KCNH6: variants seen among roughly 807,000 people sequenced by gnomAD.
The protein encoded by KCNH6 is voltage-gated inwardly rectifying potassium channel KCNH6.
A neutral mutation model predicts 83.4 loss-of-function variants in KCNH6; 81 were observed. The ratio of observed to expected loss-of-function variants is 0.97; its 90% confidence interval spans 0.81 to 1.17. The LOEUF is 1.17. Ranked by LOEUF, KCNH6 falls within the 50% of genes most tolerant of loss-of-function variation. The pLI, the probability that KCNH6 is intolerant of heterozygous loss-of-function variation, is 0.00. For synonymous variants in KCNH6, 503 were observed against 545.6 expected (o/e 0.92, Z 1.09); for missense variants, 1,203 against 1,290.5 (o/e 0.93, Z 1.04).
rs747574533 is a variant in KCNH6 at position 63,545,671 on chromosome 17, G to A, written c.2646G>A (p.Met882Ile). The A allele has an allele frequency of 3.7e-6, 6 of 1,613,856 alleles. No individual in the cohort carries two copies. The East Asian group carries it at 1.3e-4, about 36-fold the overall frequency. ...AGCACAGGAACTCCTCCCCCAGGAT[G>A]CCTCACCTGGCTGTGGCAACGGACA... The part of the protein sequence containing the change: ...SPKHRNSSPR[M>I]PHLAVATDKT... Residue 882 changes from methionine to isoleucine, a missense_variant, in exon 13 of 13, where the codon ATG becomes ATA. Transcript: ENST00000314672.
In KCNH6 at chr17:63,530,372, G is replaced by A. The variant is rs942126161; in HGVS notation, c.505G>A (p.Gly169Ser). The A allele has an allele frequency of 3.7e-6, 6 of 1,614,048 alleles. No individual in the cohort carries two copies. Among genetic ancestry groups the A allele is most frequent in the Non-Finnish European group, 5.1e-6 (6 of 1,180,010 alleles). Residue 169 changes from glycine to serine, a missense_variant, in exon 4 of 13, where the codon GGC becomes AGC. Physicochemically the swap from Gly to Ser is moderately conservative, Grantham distance 56. Transcript: ENST00000314672. ...TGGCAGGCCAGGCGGACCAGGGCCAGGCACAGGCAGGGGCAAGTACAGGAC... is the reference window on the plus strand; with the variant it reads ...TGGCAGGCCAGGCGGACCAGGGCCAAGCACAGGCAGGGGCAAGTACAGGAC... ...SHGRPGGPGP[G>S]TGRGKYRTIS...
At chr17:63,544,695 A>G (rs1292953644) in intron 11 of KCNH6, among the ~76,000 whole-genome samples, 2 of 152,142 alleles carry the variant, frequency 1.3e-5, no homozygotes, top group Non-Finnish European at 2.9e-5. Context: ...CTATGGTGGC[A>G]GAGCGAGGGC....
chr17:63,532,457 G>A (rs763676080), intron 4 of KCNH6, among the ~76,000 whole-genome samples: 1 of 152,222 alleles, frequency 6.6e-6, no homozygotes, highest in Admixed American at 6.5e-5. Context: ...CCATGGCTCA[G>A]TGGAGCACCA....
Position 63,535,906 on chromosome 17 carries a change from C to T in KCNH6, c.1339C>T (p.Arg447Cys), listed in dbSNP as rs147066980. The part of the protein sequence containing the change: ...LDSLGVQLGK[R>C]YNGSDPASGP... ...CAGCCTGGGTGTGCAGCTTGGCAAG[C>T]GCTACAACGGCAGCGACCCAGCCTC... Residue 447 changes from arginine (R) to cysteine (C), a missense_variant, in exon 6 of 13, where the codon CGC becomes TGC. Physicochemically the swap from Arg to Cys is radical, Grantham distance 180. Transcript: ENST00000314672. The surrounding 1 kb of genome is among the most constrained non-coding windows in gnomAD (Gnocchi z 4.9). 2.4e-5 allele frequency: 39 copies of T among 1,614,082 alleles called. No homozygotes were observed. Among genetic ancestry groups the T allele is most frequent in the African/African-American group, 5.3e-5 (4 of 75,068 alleles).
At position 63,534,622 on chromosome 17, in the gene KCNH6, C is replaced by T. The variant is rs1158984484; in HGVS notation, c.1101+311C>T. Among the ~76,000 whole-genome samples, 1 of 152,062 alleles carries T rather than the reference C, an allele frequency of 6.6e-6. No homozygotes were observed. The highest frequency in any genetic ancestry group is 1.5e-5 in the Non-Finnish European group (1 of 67,978). ...GCCCCTCATGCTGACTTCCAAACTG[C>T]ACTCACCCTGGAGGAAGAAAGGGAT... On this transcript the variant is annotated intron_variant, in intron 5 of 12. Transcript: ENST00000314672. The surrounding 1 kb of genome is among the most constrained non-coding windows in gnomAD (Gnocchi z 5.0).
intron 9 of KCNH6, among the ~76,000 whole-genome samples, chr17:63,542,652 A>G (rs1378348558): frequency 1.3e-5 from 2 of 152,178 alleles, no homozygotes; most frequent in Non-Finnish European, 2.9e-5. Context: ...CTTTTACATG[A>G]TCTTCTTGCA....
intron 2 of KCNH6, among the ~76,000 whole-genome samples, chr17:63,528,814 C>G (rs1237614510): frequency 7.5e-6 from 1 of 132,674 alleles, no homozygotes; most frequent in Non-Finnish European, 1.6e-5. Flanking sequence ...GCCTGGGGCT[C>G]TTGGGTATGG....
In KCNH6 at chr17:63,534,773, C is replaced by T. The variant is rs1432301134; in HGVS notation, c.1101+462C>T. ...GCCTTTCTCATAGCTTCCAGTCCCA[C>T]GGTCTCCTCTTGCCCCCTCTCCTCA... On this transcript the variant is annotated intron_variant, in intron 5 of 12. Transcript: ENST00000314672. This position sits in a 1 kb window ranked among gnomAD's most constrained non-coding sequence, Gnocchi z 5.0. Among the ~76,000 whole-genome samples, 8 of 152,236 alleles carry T rather than the reference C, an allele frequency of 5.3e-5. No homozygotes were observed. The highest frequency in any genetic ancestry group is 6.8e-3 in the Middle Eastern group (2 of 294).
At position 63,542,449 on chromosome 17, in the gene KCNH6, G is replaced by T; in HGVS notation, c.2148+15G>T. ...ACCTGCGGGACGTGAGTCAGGGCCA[G>T]GTGGGCCAGGGTGGGTGGAAATGCC... On this transcript the variant is annotated intron_variant, in intron 9 of 12. Transcript: ENST00000314672. The T allele has an allele frequency of 6.2e-7, 1 of 1,609,540 alleles. No homozygotes were observed. Among genetic ancestry groups the T allele is most frequent in the Non-Finnish European group, 8.5e-7 (1 of 1,176,606 alleles).
chr17:63,530,436 A>C lies in KCNH6; in HGVS notation c.569A>C (p.Glu190Ala). The change falls in exon 4 of 13, where the codon GAG (glutamate) becomes GCG (alanine). Residue 190 changes from glutamate to alanine, a missense_variant. Transcript: ENST00000314672. Reference sequence around the variant, plus strand: ...CCACAGTTCACGCTCAACTTCGTGGAGTTCAACTTGGAGAAGCACCGCTCC... The same window carrying C: ...CCACAGTTCACGCTCAACTTCGTGGCGTTCAACTTGGAGAAGCACCGCTCC... ...QIPQFTLNFV[E>A]FNLEKHRSSS... 6.2e-7 allele frequency: 1 copy of C among 1,614,204 alleles called. No homozygotes were observed. The highest frequency in any genetic ancestry group is 1.1e-5 in the South Asian group (1 of 91,074).
chr17:63,536,196 T>C (rs1292680554), intron 6 of KCNH6, 128 bp downstream of exon 6: 10 of 848,978 alleles, frequency 1.2e-5, no homozygotes, highest in African/African-American at 1.7e-5. Flanking sequence ...TGATCCTAAG[T>C]GTGCAGCACA....
chr17:63,544,777 A>G (rs2033062024), intron 11 of KCNH6, among the ~76,000 whole-genome samples: 1 of 151,960 alleles, frequency 6.6e-6, no homozygotes, highest in Non-Finnish European at 1.5e-5. Context: ...CAAGTTACTA[A>G]ACAGCTCTGA....
rs370253123 is a variant in KCNH6 at position 63,541,188 on chromosome 17, C to T, written c.1955-1053C>T. Among the ~76,000 whole-genome samples the T allele has an allele frequency of 2.9e-4, 44 of 152,258 alleles. No homozygotes were observed. The East Asian group carries it at 8.5e-3, about 29-fold the overall frequency. On this transcript the variant is annotated intron_variant, in intron 8 of 12. Coordinates refer to ENST00000314672, the MANE Select transcript of KCNH6 (RefSeq NM_001278919.2). ...AGCACAGCACCTGGCACCAGGAGGG[C>T]CCAGTACCCTTGCCACATACCACAT...
rs926323297 is a variant in KCNH6, at chr17:63,523,757, C to A, written c.76+268C>A. 1.3e-5 allele frequency among the ~76,000 whole-genome samples: 2 copies of A among 152,096 alleles called. No homozygotes were observed. The highest frequency in any genetic ancestry group is 1.9e-4 in the East Asian group (1 of 5,184). On this transcript the variant is annotated intron_variant, in intron 1 of 12. Transcript: ENST00000314672. The surrounding 1 kb of genome is among the most constrained non-coding windows in gnomAD (Gnocchi z 4.2). ...GTTTCCTTGGTGCCCCAAGTTCGAACCTCCCCTTCCAGCCACTGCCTGCCC... is the reference window on the plus strand; with the variant it reads ...GTTTCCTTGGTGCCCCAAGTTCGAAACTCCCCTTCCAGCCACTGCCTGCCC...
chr17:63,544,527 G>T, intron 11 of KCNH6, 116 bp downstream of exon 11: 1 of 855,424 alleles, frequency 1.2e-6, no homozygotes, highest in South Asian at 2.4e-5. Context: ...TTAGCTGCAG[G>T]TCTCCCCATA....
intron 2 of KCNH6, among the ~76,000 whole-genome samples, chr17:63,528,073 C>T (rs2031834991): frequency 6.6e-6 from 1 of 152,234 alleles, no homozygotes; most frequent in Non-Finnish European, 1.5e-5. Context: ...CCCTGGAGGC[C>T]TTCTGCCCCT....
intron 4 of KCNH6, among the ~76,000 whole-genome samples, chr17:63,531,546 T>TA (rs1452334327): frequency 6.6e-6 from 1 of 152,240 alleles, no homozygotes; most frequent in Non-Finnish European, 1.5e-5. Flanking sequence ...TGTTTTCACC[T>TA]AAAGCACAGT....
Position 63,545,965 on chromosome 17 carries a change from G to A in KCNH6, c.*63G>A, listed in dbSNP as rs1788495241. 1 of 1,535,536 alleles carries A rather than the reference G, an allele frequency of 6.5e-7. No homozygotes were observed. The highest frequency in any genetic ancestry group is 8.9e-7 in the Non-Finnish European group (1 of 1,126,120). On this transcript the variant is annotated 3_prime_UTR_variant, in exon 13 of 13. Coordinates refer to ENST00000314672, the MANE Select transcript of KCNH6 (RefSeq NM_001278919.2). Reference sequence around the variant, plus strand: ...GGCAAGGTGAGAGTTAAGGATCTTGGGGAGGTGGCCGGGTGCAGTGGCTCG... The same window carrying A: ...GGCAAGGTGAGAGTTAAGGATCTTGAGGAGGTGGCCGGGTGCAGTGGCTCG...
chr17:63,534,367 A>G lies in KCNH6; in HGVS notation c.1101+56A>G, dbSNP rs2147673119. ...TGGCTGTCCTCTGCACGCTGGCCTC[A>G]AGCCCTCCCTGCTGCACAGCACTGG... On this transcript the variant is annotated intron_variant, in intron 5 of 12. Transcript: ENST00000314672. This position sits in a 1 kb window ranked among gnomAD's most constrained non-coding sequence, Gnocchi z 5.0. The G allele has an allele frequency of 6.6e-7, 1 of 1,509,384 alleles. No homozygotes were observed. The highest frequency in any genetic ancestry group is 2.3e-5 in the East Asian group (1 of 44,292). 93.5% of individuals were successfully genotyped at this position (1,509,384 alleles called of 1,614,324 possible). A position where few individuals can be genotyped will look rare whatever the true frequency, so the allele number is the denominator to read the frequency against.
Sources: allele counts gnomAD v4.1 joint callset (sites outside exome capture counted in the v4.1 genomes callset), GRCh38; gene constraint gnomAD v4.1.1; non-coding constraint Gnocchi (gnomAD v3.1); transcripts MANE v1.5; gene names NCBI Gene and HGNC (gene_info 2026-07-23, HGNC 2026-07-21).